The following TMTC4 variants were observed in gnomAD, a reference collection of about 807,000 sequenced individuals.
The protein encoded by TMTC4 is transmembrane O-mannosyltransferase targeting cadherins 4.
A neutral mutation model predicts 86.0 loss-of-function variants in TMTC4; 65 were observed. The observed-to-expected ratio is 0.76, with a 90% CI of 0.62 to 0.93. TMTC4 has a LOEUF of 0.93. Ranked by LOEUF, TMTC4 falls within the 40% of genes least tolerant of loss-of-function variation. The probability of loss-of-function intolerance (pLI) is 0.00; values close to 1 mark genes in which losing one functional copy is unlikely to be tolerated. For synonymous variants in TMTC4, 379 were observed against 382.5 expected, an observed-to-expected ratio of 0.99 and a Z score of 0.11; for missense variants, 866 against 948.1, an observed-to-expected ratio of 0.91 and a Z score of 1.14.
chr13:100,620,294 C>T lies in TMTC4; in HGVS notation c.1836+5241G>A, dbSNP rs148563855. 1.3e-3 allele frequency among the ~76,000 whole-genome samples: 199 copies of T among 152,288 alleles called. 1 individual carries two copies. The highest frequency in any genetic ancestry group is 3.7e-3 in the Admixed American group (57 of 15,292). On this transcript the variant is annotated intron_variant, in intron 15 of 18. Coordinates refer to ENST00000342624, the MANE Select transcript of TMTC4 (RefSeq NM_032813.5). ...AGGGGAGCAGTCCTTTCCTCTTACT[C>T]TCACTCTCTCCTTCCTTCCCCTGGC...
intron 6 of TMTC4, among the ~76,000 whole-genome samples, chr13:100,653,376 AGG>A (rs1884687927): frequency 6.6e-6 from 1 of 151,970 alleles, no homozygotes; most frequent in Non-Finnish European, 1.5e-5. Flanking sequence ...TGTGAGGAGG[AGG>A]GGAGAGATGG....
At chr13:100,656,530 T>G in intron 5 of TMTC4, 62 bp from the exon 6 acceptor site, 1 of 1,119,528 alleles carries the variant, frequency 8.9e-7, no homozygotes, top group African/African-American at 1.6e-5. Context: ...ATCCTAAACT[T>G]AGGAGACATA....
At chr13:100,645,606 G>A (rs1328534170) in intron 6 of TMTC4, among the ~76,000 whole-genome samples, 1 of 151,494 alleles carries the variant, frequency 6.6e-6, no homozygotes, top group African/African-American at 2.4e-5. Context: ...GTGAGCAGGT[G>A]AGCCCCGTGC....
At chr13:100,618,643 G>A (rs202016588) in intron 15 of TMTC4, among the ~76,000 whole-genome samples, 3 of 151,932 alleles carry the variant, frequency 2.0e-5, no homozygotes, top group African/African-American at 4.8e-5. Context: ...GCGGCCTTCC[G>A]CAGTGTTTGT....
intron 1 of TMTC4, among the ~76,000 whole-genome samples, chr13:100,672,721 G>C (rs908003463): frequency 8.5e-5 from 13 of 152,148 alleles, no homozygotes; most frequent in African/African-American, 3.1e-4. Flanking sequence ...CAAACTCCTG[G>C]CTTCAAGCGA....
At chr13:100,628,646 G>C (rs9582406) in intron 12 of TMTC4, among the ~76,000 whole-genome samples, 54,165 of 152,028 alleles carry the variant, frequency 0.36, 9,943 homozygotes, top group East Asian at 0.59. Context: ...TGACTGAAGA[G>C]GGGGTGAAGT....
chr13:100,613,276 T>C lies in TMTC4; in HGVS notation c.1952-766A>G, dbSNP rs528610399. ...CCCTAGGAACTACTGTTCTGCTCTC[T>C]AGTTCCACGAGGTCCATTTTTCCAG... On this transcript the variant is annotated intron_variant, in intron 16 of 18. Coordinates refer to ENST00000342624, the MANE Select transcript of TMTC4 (RefSeq NM_032813.5). Among the ~76,000 whole-genome samples the C allele has an allele frequency of 2.6e-5, 4 of 152,318 alleles. No individual in the cohort carries two copies. In the South Asian group the frequency reaches 8.3e-4, roughly 32 times the overall value.
At chr13:100,661,056 A>G (rs1885719267) in intron 5 of TMTC4, among the ~76,000 whole-genome samples, 1 of 152,246 alleles carries the variant, frequency 6.6e-6, no homozygotes, top group Non-Finnish European at 1.5e-5. Flanking sequence ...AATGTACAAA[A>G]TATCTGTCTT....
intron 12 of TMTC4, among the ~76,000 whole-genome samples, chr13:100,627,325 T>C (rs1880712458): frequency 6.6e-6 from 1 of 152,126 alleles, no homozygotes; most frequent in East Asian, 1.9e-4. Context: ...AGTGTGTGAG[T>C]GCCCCAGGGT....
rs773014768 is a variant in TMTC4 at position 100,625,519 on chromosome 13, GGCACCCC to G, written c.1836+9_1836+15del. 4 of 1,612,802 alleles carry G rather than the reference GGCACCCC, an allele frequency of 2.5e-6. No homozygotes were observed. Among genetic ancestry groups the G allele is most frequent in the Non-Finnish European group, 3.4e-6 (4 of 1,180,030 alleles). On this transcript the variant is annotated intron_variant, in intron 15 of 18. Transcript: ENST00000342624. Reference sequence around the variant, plus strand: ...CCCATCTTTCCTTCCACAGGCACAGGGCACCCCGCGCTTACCAGACGCCCGAGGTTGT... The same window carrying G: ...CCCATCTTTCCTTCCACAGGCACAGGGCGCTTACCAGACGCCCGAGGTTGT...
intron 2 of TMTC4, among the ~76,000 whole-genome samples, chr13:100,669,798 C>T (rs1886860158): frequency 6.6e-6 from 1 of 152,192 alleles, no homozygotes; most frequent in Admixed American, 6.5e-5. Context: ...ATTCCCACCA[C>T]ATCCTGGACA....
At chr13:100,651,650 T>C (rs576155735) in intron 6 of TMTC4, among the ~76,000 whole-genome samples, 53 of 152,188 alleles carry the variant, frequency 3.5e-4, no homozygotes, top group Non-Finnish European at 3.8e-4. Context: ...AGACGTCCCA[T>C]CCATAAAAAA....
chr13:100,666,213 AGG>A, intron 3 of TMTC4: 2 of 354,448 alleles, frequency 5.6e-6, no homozygotes, highest in Admixed American at 3.7e-5. Context: ...CATCATCTCA[AGG>A]AACAAAAAAG....
intron 15 of TMTC4, among the ~76,000 whole-genome samples, chr13:100,619,158 C>T (rs887751663): frequency 2.6e-5 from 4 of 151,166 alleles, no homozygotes; most frequent in Admixed American, 2.0e-4. Flanking sequence ...GGCGACTGGC[C>T]GGGCGGGGGG....
chr13:100,656,541 A>AATTTTTTTTTTT, intron 5 of TMTC4, 73 bp from the exon 6 acceptor site: 2 of 462,940 alleles, frequency 4.3e-6, no homozygotes, highest in South Asian at 3.4e-5. Context: ...AGGAGACATA[A>AATTTTTTTTTTT]CTTTTTTTTT....
At position 100,605,923 on chromosome 13, in the gene TMTC4, C is replaced by T. The variant is rs1876509116; in HGVS notation, c.2134+435G>A. 6.6e-6 allele frequency among the ~76,000 whole-genome samples: 1 copy of T among 152,030 alleles called. No individual in the cohort carries two copies. The highest frequency in any genetic ancestry group is 2.1e-4 in the South Asian group (1 of 4,808). Reference sequence around the variant, plus strand: ...GATTATAAATGCATTTTAGCCAAGGCATAAGAGGATATAAAGCAGAAGACC... The same window carrying T: ...GATTATAAATGCATTTTAGCCAAGGTATAAGAGGATATAAAGCAGAAGACC... On this transcript the variant is annotated intron_variant, in intron 18 of 18. Transcript: ENST00000342624. The surrounding 1 kb of genome is among the most constrained non-coding windows in gnomAD (Gnocchi z 4.3).
Position 100,637,635 on chromosome 13 carries a change from C to T in TMTC4, c.902G>A (p.Gly301Glu), listed in dbSNP as rs1236347858. 1.2e-6 allele frequency: 2 copies of T among 1,614,184 alleles called. No homozygotes were observed. The highest frequency in any genetic ancestry group is 1.3e-5 in the African/African-American group (1 of 75,030). ...GATCCTCCAGCGCACGTAGAGCATCCCAGCCCCTCCAGAGGTGAGCAGGGT... is the reference window on the plus strand; with the variant it reads ...GATCCTCCAGCGCACGTAGAGCATCTCAGCCCCTCCAGAGGTGAGCAGGGT... ...RMTLLTSGGA[G>E]MLYVRWRIMG... The change falls in exon 9 of 19, where the codon GGG becomes GAG. Residue 301 changes from glycine (G) to glutamate (E), a missense_variant. By Grantham distance (98) the Gly-to-Glu change is moderately conservative. Transcript: ENST00000342624.
chr13:100,659,296 C>T (rs1374606905), intron 5 of TMTC4, among the ~76,000 whole-genome samples: 2 of 152,156 alleles, frequency 1.3e-5, no homozygotes, highest in Non-Finnish European at 2.9e-5. Context: ...GAGACAGGGT[C>T]TCACTCTGTT....
At chr13:100,638,120 C>G in intron 7 of TMTC4, 98 bp from the exon 8 acceptor site, 2 of 854,296 alleles carry the variant, frequency 2.3e-6, no homozygotes, top group Non-Finnish European at 3.8e-6. Context: ...AGACAAGGAA[C>G]ACATAGACTA....
Sources: allele counts gnomAD v4.1 joint callset (sites outside exome capture counted in the v4.1 genomes callset), GRCh38; gene constraint gnomAD v4.1.1; non-coding constraint Gnocchi (gnomAD v3.1); transcripts MANE v1.5; gene names NCBI Gene and HGNC (gene_info 2026-07-23, HGNC 2026-07-21).